IQSEC1: variants seen among roughly 807,000 people sequenced by gnomAD.
IQSEC1 encodes the protein IQ motif and Sec7 domain ArfGEF 1.
IQSEC1 carries 31 observed loss-of-function variants against 91.0 expected under a neutral mutation model. The ratio of observed to expected loss-of-function variants is 0.34; its 90% confidence interval spans 0.26 to 0.46. The LOEUF (loss-of-function observed/expected upper bound fraction) is 0.46, where lower values mean the gene tolerates loss of function less well. Among genes scored for constraint, IQSEC1 ranks in the 20% least tolerant of loss-of-function variants. The probability of loss-of-function intolerance (pLI) is 1.00; values close to 1 mark genes in which losing one functional copy is unlikely to be tolerated. For missense variants in IQSEC1, 1,388 were observed against 1,575.6 expected (o/e 0.88, Z 2.02); for synonymous variants, 699 against 662.6 (o/e 1.05, Z -0.84).
chr3:13,121,137 C>T (rs980706940), intron 2 of IQSEC1, among the ~76,000 whole-genome samples: 3 of 152,238 alleles, frequency 2.0e-5, no homozygotes, highest in Admixed American at 6.5e-5. Context: ...CCTGCCCACA[C>T]GCTCCACGAA....
chr3:13,129,504 C>T (rs547168862), intron 2 of IQSEC1, among the ~76,000 whole-genome samples: 21 of 152,164 alleles, frequency 1.4e-4, no homozygotes, highest in South Asian at 4.1e-4. Flanking sequence ...TATTTTTCTT[C>T]GTCCTTTGGG....
In IQSEC1 at chr3:12,900,451, GTATATATA is replaced by G. The variant is rs72408840; in HGVS notation, c.*524_*531del. 119 of 701,466 alleles carry G rather than the reference GTATATATA, an allele frequency of 1.7e-4. 1 individual carries two copies. The highest frequency in any genetic ancestry group is 2.8e-4 in the African/African-American group (14 of 50,658). The allele number at this position is 701,466 out of a possible 1,614,324, so 43.5% of individuals were successfully genotyped here. ...TTCACACACAAGTACTACCTATACA[GTATATATA>G]TATATATATTTATATATTTATATAT... On this transcript the variant is annotated 3_prime_UTR_variant, in exon 14 of 14. Coordinates refer to ENST00000613206, the MANE Select transcript of IQSEC1 (RefSeq NM_001134382.3).
upstream of IQSEC1, among the ~76,000 whole-genome samples, chr3:13,076,289 G>C (rs1198796339): frequency 1.3e-5 from 2 of 152,184 alleles, no homozygotes; most frequent in Non-Finnish European, 2.9e-5. Context: ...AAGTGCCCAA[G>C]TTCACCCCTG....
At chr3:13,198,857 A>G (rs1694186085) in intron 1 of IQSEC1, among the ~76,000 whole-genome samples, 1 of 152,258 alleles carries the variant, frequency 6.6e-6, no homozygotes, top group Admixed American at 6.5e-5. Context: ...TCTGCTGAAG[A>G]AAAGCAGAAT....
chr3:13,122,125 G>A (rs1410910504), intron 2 of IQSEC1, among the ~76,000 whole-genome samples: 2 of 151,180 alleles, frequency 1.3e-5, no homozygotes, highest in South Asian at 2.1e-4. Context: ...GCCCACCCCC[G>A]AAGGGGCCGG....
chr3:13,007,797 T>C (rs902319028), intron 1 of IQSEC1, among the ~76,000 whole-genome samples: 1 of 152,186 alleles, frequency 6.6e-6, no homozygotes, highest in Non-Finnish European at 1.5e-5. Flanking sequence ...TTCTTGGCTG[T>C]TGGAAGTTTG....
At chr3:13,149,291 A>C (rs561761770) in intron 2 of IQSEC1, among the ~76,000 whole-genome samples, 5 of 152,116 alleles carry the variant, frequency 3.3e-5, no homozygotes, top group African/African-American at 1.2e-4. Flanking sequence ...GGCCACACAG[A>C]GGACAGAGCC....
chr3:13,188,937 G>T (rs1434454807), intron 1 of IQSEC1, among the ~76,000 whole-genome samples: 1 of 152,116 alleles, frequency 6.6e-6, no homozygotes, highest in African/African-American at 2.4e-5. Flanking sequence ...GTCCATTTTT[G>T]TTGGGATTGT....
intron 2 of IQSEC1, among the ~76,000 whole-genome samples, chr3:13,126,143 C>T (rs1487284831): frequency 6.6e-6 from 1 of 151,454 alleles, no homozygotes; most frequent in African/African-American, 2.4e-5. Flanking sequence ...TATATTTGCA[C>T]ATGTGAAACA....
chr3:13,268,659 A>G (rs1255329667), intron 1 of IQSEC1, among the ~76,000 whole-genome samples: 1 of 152,268 alleles, frequency 6.6e-6, no homozygotes, highest in Admixed American at 6.5e-5. Flanking sequence ...AAGTGCAAAT[A>G]CAATCTTAAT....
At chr3:13,234,171 G>T (rs541885951) in intron 1 of IQSEC1, among the ~76,000 whole-genome samples, 7 of 145,982 alleles carry the variant, frequency 4.8e-5, no homozygotes, top group Admixed American at 1.4e-4. Flanking sequence ...TGTCTATGTG[G>T]GTCTGTGGGT....
chr3:13,085,717 G>C (rs1489475445), intron 2 of IQSEC1, among the ~76,000 whole-genome samples: 6 of 152,234 alleles, frequency 3.9e-5, no homozygotes, highest in Non-Finnish European at 8.8e-5. Context: ...CCCACGTGCT[G>C]TTACCCCATT....
At chr3:12,905,191 G>A (rs371527170) in intron 12 of IQSEC1, among the ~76,000 whole-genome samples, 4 of 152,226 alleles carry the variant, frequency 2.6e-5, no homozygotes, top group Non-Finnish European at 5.9e-5. Flanking sequence ...CACCACACAC[G>A]TGCTGATCAG....
intron 2 of IQSEC1, among the ~76,000 whole-genome samples, chr3:13,113,284 G>A (rs1057160562): frequency 2.0e-5 from 3 of 152,236 alleles, no homozygotes; most frequent in Admixed American, 6.5e-5. Context: ...TGAAGCTGGG[G>A]ACCAGGGTGG....
chr3:13,263,865 A>T (rs979963153), intron 1 of IQSEC1, among the ~76,000 whole-genome samples: 5 of 152,096 alleles, frequency 3.3e-5, no homozygotes, highest in African/African-American at 1.2e-4. Flanking sequence ...TGGTGACCTC[A>T]GCCAAGCTCT....
chr3:13,019,582 G>A (rs1343759838), intron 1 of IQSEC1, among the ~76,000 whole-genome samples: 5 of 152,244 alleles, frequency 3.3e-5, no homozygotes, highest in East Asian at 1.9e-4. Flanking sequence ...TGGTTGGGGC[G>A]TGGCCTTAGT....
chr3:13,262,490 C>T (rs890460369), intron 1 of IQSEC1, among the ~76,000 whole-genome samples: 11 of 152,130 alleles, frequency 7.2e-5, no homozygotes, highest in African/African-American at 1.9e-4. Context: ...TTGAGGGTTA[C>T]GCTAGGACGG....
At chr3:13,034,515 G>A (rs1703964693) in intron 1 of IQSEC1, among the ~76,000 whole-genome samples, 4 of 152,308 alleles carry the variant, frequency 2.6e-5, no homozygotes, top group Middle Eastern at 6.8e-3. Flanking sequence ...GGGAGGAGGA[G>A]AGGGCGTAGT....
chr3:12,979,747 C>G lies in IQSEC1; in HGVS notation c.24-37882G>C, dbSNP rs564938737. Among the ~76,000 whole-genome samples the G allele has an allele frequency of 6.6e-6, 1 of 152,064 alleles. No individual in the cohort carries two copies. The highest frequency in any genetic ancestry group is 3.2e-3 in the Middle Eastern group (1 of 316). ...GATGTCATCAGAAGGGCGGAAAGAG[C>G]ACCGGAAGGAGAACTCTCTCTCATG... On this transcript the variant is annotated intron_variant, in intron 1 of 13. Transcript: ENST00000613206. This position sits in a 1 kb window ranked among gnomAD's most constrained non-coding sequence, Gnocchi z 4.3.
Sources: gnomAD v4.1 joint callset for allele counts (sites outside exome capture counted in the v4.1 genomes callset) on GRCh38, gnomAD v4.1.1 for gene constraint, Gnocchi (gnomAD v3.1) non-coding constraint, MANE v1.5 for transcripts, NCBI Gene and HGNC (gene_info 2026-07-23, HGNC 2026-07-21) for gene names.